SLC35F1: variants seen among roughly 807,000 people sequenced by gnomAD.
SLC35F1 encodes the protein chromosome 6 open reading frame 169.
SLC35F1 carries 14 observed loss-of-function variants against 48.7 expected under a neutral mutation model. The ratio of observed to expected loss-of-function variants is 0.29; its 90% CI spans 0.19 to 0.45. The LOEUF (loss-of-function observed/expected upper bound fraction) is 0.45, where lower values mean the gene tolerates loss of function less well. Ranked by LOEUF, SLC35F1 falls within the 20% of genes least tolerant of loss-of-function variation. The pLI, the probability that SLC35F1 is intolerant of heterozygous loss-of-function variation, is 1.00. For synonymous variants in SLC35F1, 190 were observed against 202.2 expected (o/e 0.94, Z 0.51); for missense variants, 404 against 500.0 (o/e 0.81, Z 1.83).
chr6:118,216,039 C>T (rs926662451), intron 2 of SLC35F1, among the ~76,000 whole-genome samples: 2 of 150,960 alleles, frequency 1.3e-5, no homozygotes, highest in African/African-American at 2.4e-5. Context: ...ATTTGGTATG[C>T]ACATTTTTAT....
chr6:118,135,044 A>G (rs914834335), intron 1 of SLC35F1, among the ~76,000 whole-genome samples: 2 of 152,156 alleles, frequency 1.3e-5, no homozygotes, highest in Non-Finnish European at 2.9e-5. Context: ...AAGAACAAGG[A>G]CGTCACGTTT....
At chr6:118,130,893 G>T (rs1291412997) in intron 1 of SLC35F1, among the ~76,000 whole-genome samples, 1 of 152,106 alleles carries the variant, frequency 6.6e-6, no homozygotes, top group Non-Finnish European at 1.5e-5. Context: ...ATGATGTAAA[G>T]ATTTTATAAA....
intron 1 of SLC35F1, among the ~76,000 whole-genome samples, chr6:117,923,597 G>GTATACATATATGTACATA: frequency 6.9e-5 from 1 of 14,424 alleles, no homozygotes; most frequent in East Asian, 2.5e-3. Flanking sequence ...ATATACATAT[G>GTATACATATATGTACATA]TGTATATATA....
chr6:118,147,652 T>C (rs1773995328), intron 1 of SLC35F1, among the ~76,000 whole-genome samples: 1 of 152,116 alleles, frequency 6.6e-6, no homozygotes, highest in African/African-American at 2.4e-5. Flanking sequence ...CCCTGTTTGG[T>C]GCCTTTTCAG....
At chr6:118,257,758 A>G (rs1432123729) in intron 3 of SLC35F1, among the ~76,000 whole-genome samples, 1 of 152,218 alleles carries the variant, frequency 6.6e-6, no homozygotes, top group African/African-American at 2.4e-5. Context: ...ATAGTACTAT[A>G]CTCAGCTTTT....
At chr6:118,264,462 A>C (rs965743045) in intron 3 of SLC35F1, among the ~76,000 whole-genome samples, 3 of 152,214 alleles carry the variant, frequency 2.0e-5, no homozygotes, top group African/African-American at 7.2e-5. Context: ...TCTTTCTAAA[A>C]GTTTGCACTT....
At chr6:117,977,210 T>A (rs1333225917) in intron 1 of SLC35F1, among the ~76,000 whole-genome samples, 1 of 151,378 alleles carries the variant, frequency 6.6e-6, no homozygotes, top group East Asian at 1.9e-4. Flanking sequence ...TCTTTTTTTT[T>A]TTTTGAGACG....
rs144002893 is a variant in SLC35F1 at position 118,178,719 on chromosome 6, G to A, written c.349+24099G>A. On this transcript the variant is annotated intron_variant, in intron 2 of 7. Transcript: ENST00000360388. ...GAAACCCAGACAGCCAGATGAAAAA[G>A]ATAACTCTCTTATGTTTTTCCCAGG... Among the ~76,000 whole-genome samples the A allele has an allele frequency of 7.9e-5, 12 of 152,122 alleles. No homozygotes were observed. The East Asian group carries it at 1.9e-3, about 25-fold the overall frequency.
intron 1 of SLC35F1, among the ~76,000 whole-genome samples, chr6:118,054,859 C>T (rs757040466): frequency 6.6e-6 from 1 of 152,116 alleles, no homozygotes; most frequent in Non-Finnish European, 1.5e-5. Flanking sequence ...TCACTGCAAC[C>T]TCCAACTCCC....
chr6:118,125,599 C>G (rs995642787), intron 1 of SLC35F1, among the ~76,000 whole-genome samples: 1 of 152,102 alleles, frequency 6.6e-6, no homozygotes, highest in Non-Finnish European at 1.5e-5. Context: ...CCTTGTTTCT[C>G]CAGAGTTTCT....
chr6:118,003,378 A>G (rs987769317), intron 1 of SLC35F1, among the ~76,000 whole-genome samples: 8 of 152,368 alleles, frequency 5.3e-5, no homozygotes, highest in African/African-American at 1.9e-4. Context: ...CATGGAATGC[A>G]TAAGTCTAGG....
intron 2 of SLC35F1, among the ~76,000 whole-genome samples, chr6:118,200,315 T>C (rs205925): frequency 0.35 from 52,739 of 151,976 alleles, 10,878 homozygotes; most frequent in African/African-American, 0.58. Flanking sequence ...ATTCTGAATA[T>C]AGTATGGACA....
intron 1 of SLC35F1, among the ~76,000 whole-genome samples, chr6:118,063,140 T>C (rs965386139): frequency 6.6e-6 from 1 of 152,170 alleles, no homozygotes; most frequent in Non-Finnish European, 1.5e-5. Context: ...TGCATAGATT[T>C]ACTGGTTTAT....
chr6:118,004,830 A>C (rs1376007571), intron 1 of SLC35F1, among the ~76,000 whole-genome samples: 1 of 151,934 alleles, frequency 6.6e-6, no homozygotes, highest in Admixed American at 6.6e-5. Context: ...GAATACAGGC[A>C]AGCCAATATC....
chr6:118,251,205 T>C (rs1775570191), intron 3 of SLC35F1, among the ~76,000 whole-genome samples: 1 of 152,146 alleles, frequency 6.6e-6, no homozygotes, highest in Non-Finnish European at 1.5e-5. Flanking sequence ...GGAGGATCAC[T>C]TGAGCCCCAG....
At chr6:118,071,201 GTATA>G (rs1295642660) in intron 1 of SLC35F1, among the ~76,000 whole-genome samples, 1 of 138,270 alleles carries the variant, frequency 7.2e-6, no homozygotes. Flanking sequence ...TACACACATA[GTATA>G]TATATATACT....
chr6:118,059,230 A>T (rs1772503305), intron 1 of SLC35F1, among the ~76,000 whole-genome samples: 2 of 152,218 alleles, frequency 1.3e-5, no homozygotes, highest in Admixed American at 6.5e-5. Context: ...CACTGAGTTC[A>T]TGTAGAAGAA....
intron 1 of SLC35F1, among the ~76,000 whole-genome samples, chr6:117,944,555 T>C (rs2114822273): frequency 6.6e-6 from 1 of 150,782 alleles, no homozygotes. Flanking sequence ...AAGTTTGTTT[T>C]TTGAGATCCC....
intron 1 of SLC35F1, among the ~76,000 whole-genome samples, chr6:117,938,271 T>C (rs2114817492): frequency 6.6e-6 from 1 of 152,226 alleles, no homozygotes. Context: ...TATAAGTAAA[T>C]ATCACTAAAA....
Sources: gnomAD v4.1 joint callset for allele counts (sites outside exome capture counted in the v4.1 genomes callset) on GRCh38, gnomAD v4.1.1 for gene constraint, MANE v1.5 for transcripts, NCBI Gene and HGNC (gene_info 2026-07-23, HGNC 2026-07-21) for gene names.